Variants in CAMTA1 observed in about 807,000 individuals in gnomAD.
CAMTA1 encodes the protein calmodulin-binding transcription activator 1.
Under a neutral mutation model 170.9 loss-of-function variants are expected in CAMTA1, and 27 were observed. The ratio of observed to expected loss-of-function variants is 0.16; its 90% CI spans 0.12 to 0.22. The LOEUF (loss-of-function observed/expected upper bound fraction) is 0.22, where lower values mean the gene tolerates loss of function less well. CAMTA1 is among the 10% of genes least tolerant of loss of function. The probability of loss-of-function intolerance (pLI) is 1.00; values close to 1 mark genes in which losing one functional copy is unlikely to be tolerated. For missense variants in CAMTA1, 1,619 were observed against 2,217.2 expected (o/e 0.73, Z 5.42); for synonymous variants, 833 against 891.5 (o/e 0.93, Z 1.17).
intron 4 of CAMTA1, among the ~76,000 whole-genome samples, chr1:7,124,210 C>G (rs1212083348): frequency 6.6e-6 from 1 of 152,110 alleles, no homozygotes; most frequent in East Asian, 1.9e-4. Flanking sequence ...CTGGCTGGGG[C>G]CCTCTTCTGT....
At chr1:7,496,973 C>T (rs950282456) in intron 6 of CAMTA1, among the ~76,000 whole-genome samples, 7 of 151,584 alleles carry the variant, frequency 4.6e-5, no homozygotes, top group Admixed American at 2.6e-4. Context: ...TGGCACAGCC[C>T]GGGAAGGGAG....
intron 4 of CAMTA1, among the ~76,000 whole-genome samples, chr1:7,210,334 G>A (rs555423664): frequency 1.3e-5 from 2 of 152,072 alleles, no homozygotes; most frequent in African/African-American, 4.8e-5. Context: ...CTTTGGTTGG[G>A]GTTTGTCAGA....
At chr1:7,653,455 G>C (rs78823403) in intron 7 of CAMTA1, among the ~76,000 whole-genome samples, 10,923 of 152,054 alleles carry the variant, frequency 0.072, 944 homozygotes, top group East Asian at 0.2. Context: ...TAGAGACTGG[G>C]TCTCGCCATT....
At chr1:6,974,864 A>G (rs1484830657) in intron 3 of CAMTA1, among the ~76,000 whole-genome samples, 1 of 152,230 alleles carries the variant, frequency 6.6e-6, no homozygotes, top group Non-Finnish European at 1.5e-5. Flanking sequence ...TTGCCATCTA[A>G]TAATAAAAAA....
chr1:7,337,273 G>A (rs1460464536), intron 5 of CAMTA1, among the ~76,000 whole-genome samples: 1 of 152,248 alleles, frequency 6.6e-6, no homozygotes, highest in African/African-American at 2.4e-5. Flanking sequence ...CCTTTGAGGG[G>A]AGGTAAGCAC....
At chr1:7,551,259 G>A (rs149172020) in intron 6 of CAMTA1, among the ~76,000 whole-genome samples, 16 of 151,920 alleles carry the variant, frequency 1.1e-4, no homozygotes, top group African/African-American at 3.4e-4. Flanking sequence ...TCCGGAGGTC[G>A]GACAAGAGCT....
rs1558105168 is a variant in CAMTA1 at position 7,674,340 on chromosome 1, GT to G, written c.2780-3258del. Among the ~76,000 whole-genome samples the G allele has an allele frequency of 3.0e-5, 4 of 132,774 alleles. No homozygotes were observed. The highest frequency in any genetic ancestry group is 6.9e-5 in the Non-Finnish European group (4 of 58,104). The allele number at this position is 132,774 out of a possible 152,430, so 87.1% of individuals were successfully genotyped here. On this transcript the variant is annotated intron_variant, in intron 10 of 22. Coordinates refer to ENST00000303635, the MANE Select transcript of CAMTA1 (RefSeq NM_015215.4). The surrounding 1 kb of genome is among the most constrained non-coding windows in gnomAD (Gnocchi z 4.1). ...AAGTTAGGGCAGTGAGCTGAGGGCAGTGAGCAGCAGTGAGTGAGAGGAGGTG... is the reference window on the plus strand; with the variant it reads ...AAGTTAGGGCAGTGAGCTGAGGGCAGGAGCAGCAGTGAGTGAGAGGAGGTG...
chr1:7,369,664 C>A (rs2086284458), intron 5 of CAMTA1, among the ~76,000 whole-genome samples: 1 of 152,076 alleles, frequency 6.6e-6, no homozygotes, highest in Admixed American at 6.5e-5. Flanking sequence ...CTCGCTGGGC[C>A]TTGGTGCCCA....
intron 3 of CAMTA1, among the ~76,000 whole-genome samples, chr1:7,082,168 T>TGGC (rs1421707026): frequency 1.3e-5 from 2 of 152,204 alleles, no homozygotes; most frequent in Non-Finnish European, 2.9e-5. Context: ...CCAGCCGTGG[T>TGGC]GGCTCAGGCC....
At chr1:7,677,533 T>C (rs1014029893) in intron 10 of CAMTA1, 66 bp from the exon 11 acceptor site, 4 of 1,560,438 alleles carry the variant, frequency 2.6e-6, no homozygotes, top group Non-Finnish European at 3.5e-6. Context: ...TTCCAGGCCC[T>C]GTGTGGTTCA....
intron 4 of CAMTA1, among the ~76,000 whole-genome samples, chr1:7,197,422 C>T (rs979962737): frequency 1.3e-5 from 2 of 152,010 alleles, no homozygotes; most frequent in African/African-American, 4.8e-5. Context: ...CTCAGCTGCC[C>T]ACACAGGGTT....
intron 6 of CAMTA1, among the ~76,000 whole-genome samples, chr1:7,504,517 C>T (rs939447558): frequency 3.9e-5 from 6 of 152,256 alleles, no homozygotes; most frequent in Non-Finnish European, 8.8e-5. Context: ...CCAGGGCCCT[C>T]AGAGCTGCCT....
chr1:7,083,618 G>C (rs1640325822), intron 3 of CAMTA1, among the ~76,000 whole-genome samples: 2 of 152,344 alleles, frequency 1.3e-5, no homozygotes, highest in South Asian at 4.1e-4. Flanking sequence ...CCTGGAGAAA[G>C]CCGGTGGGGA....
intron 11 of CAMTA1, among the ~76,000 whole-genome samples, chr1:7,679,584 C>G (rs1034305866): frequency 1.3e-5 from 2 of 151,844 alleles, no homozygotes; most frequent in East Asian, 3.9e-4. Flanking sequence ...TGCCCCCCCC[C>G]CCAGAACTTT....
rs369785076 is a variant in CAMTA1 at position 7,257,077 on chromosome 1, G to C, written c.438+7451G>C. ...CCACTTCCACATACCATCGCATGGC[G>C]GGGGCGGGGGTTGGTTTTCATCATA... On this transcript the variant is annotated intron_variant, in intron 5 of 22. Coordinates refer to ENST00000303635, the MANE Select transcript of CAMTA1 (RefSeq NM_015215.4). 1.7e-3 allele frequency among the ~76,000 whole-genome samples: 66 copies of C among 38,312 alleles called. 1 individual carries two copies. Among genetic ancestry groups the C allele is most frequent in the African/African-American group, 5.0e-3 (65 of 13,060 alleles). The allele number at this position is 38,312 out of a possible 152,430, so 25.1% of individuals were successfully genotyped here.
At chr1:6,963,995 G>A (rs6669759) in intron 3 of CAMTA1, among the ~76,000 whole-genome samples, 2,330 of 152,348 alleles carry the variant, frequency 0.015, 28 homozygotes, top group Non-Finnish European at 0.023. Context: ...GCCCAGATAG[G>A]GGTGCAGAAT....
intron 5 of CAMTA1, among the ~76,000 whole-genome samples, chr1:7,428,109 A>G (rs933049386): frequency 6.6e-6 from 1 of 152,120 alleles, no homozygotes; most frequent in Non-Finnish European, 1.5e-5. Flanking sequence ...GCCAGCACGC[A>G]GAAGTGCTAT....
chr1:7,274,722 G>C (rs368552338), intron 5 of CAMTA1, among the ~76,000 whole-genome samples: 1 of 152,072 alleles, frequency 6.6e-6, no homozygotes, highest in Non-Finnish European at 1.5e-5. Flanking sequence ...AAAGATTACT[G>C]CTTCTCTGAC....
chr1:7,027,664 G>A (rs900471619), intron 3 of CAMTA1, among the ~76,000 whole-genome samples: 3 of 152,226 alleles, frequency 2.0e-5, no homozygotes, highest in Admixed American at 2.0e-4. Context: ...ATACACAGAG[G>A]GGGAAAATTG....
Sources: gnomAD v4.1 joint callset for allele counts (sites outside exome capture counted in the v4.1 genomes callset) on GRCh38, gnomAD v4.1.1 for gene constraint, Gnocchi (gnomAD v3.1) non-coding constraint, MANE v1.5 for transcripts, NCBI Gene and HGNC (gene_info 2026-07-23, HGNC 2026-07-21) for gene names.